The following KATNAL2 variants were observed in gnomAD, a reference collection of about 807,000 sequenced individuals.
The protein encoded by KATNAL2 is katanin catalytic subunit A1 like 2, also known as katanin p60 ATPase-containing subunit A-like 2.
A neutral mutation model predicts 76.3 loss-of-function variants in KATNAL2; 52 were observed. That is an observed-to-expected ratio of 0.68 (90% CI 0.55 to 0.86). The LOEUF (loss-of-function observed/expected upper bound fraction) is 0.86, where lower values mean the gene tolerates loss of function less well. Among genes scored for constraint, KATNAL2 ranks in the 40% least tolerant of loss-of-function variants. KATNAL2 has a pLI of 0.00. For synonymous variants in KATNAL2, 243 were observed against 244.2 expected, an observed-to-expected ratio of 1.00 and a Z score of 0.05; for missense variants, 660 against 668.9, an observed-to-expected ratio of 0.99 and a Z score of 0.15.
intron 15 of KATNAL2, among the ~76,000 whole-genome samples, chr18:47,095,921 C>G (rs2063213013): frequency 6.6e-6 from 1 of 152,164 alleles, no homozygotes; most frequent in South Asian, 2.1e-4. Flanking sequence ...TTCCTTGACC[C>G]TGTGCCTTGA....
intron 3 of KATNAL2, among the ~76,000 whole-genome samples, chr18:47,046,164 T>G (rs1346342612): frequency 6.6e-6 from 1 of 152,182 alleles, no homozygotes; most frequent in Non-Finnish European, 1.5e-5. Flanking sequence ...CATTTGTTTC[T>G]TCACGATTAT....
intron 1 of KATNAL2, among the ~76,000 whole-genome samples, chr18:46,926,058 G>A: frequency 6.6e-6 from 1 of 152,036 alleles, no homozygotes; most frequent in Non-Finnish European, 1.5e-5. Flanking sequence ...TTAATTTTTT[G>A]AAGGGTTTTT....
At chr18:46,947,246 A>C (rs1265387344) in intron 3 of KATNAL2, among the ~76,000 whole-genome samples, 1 of 152,002 alleles carries the variant, frequency 6.6e-6, no homozygotes, top group Non-Finnish European at 1.5e-5. Context: ...GGGTGAATGG[A>C]TTTGGGGAGT....
At chr18:47,056,016 T>C (rs531548642) in intron 6 of KATNAL2, among the ~76,000 whole-genome samples, 5 of 152,354 alleles carry the variant, frequency 3.3e-5, no homozygotes, top group African/African-American at 1.2e-4. Flanking sequence ...ATGAGACATG[T>C]CATGAGACTG....
At chr18:46,935,816 T>C (rs1183598160) in intron 1 of KATNAL2, among the ~76,000 whole-genome samples, 4 of 152,056 alleles carry the variant, frequency 2.6e-5, no homozygotes, top group African/African-American at 4.8e-5. Flanking sequence ...CTCAGGAGGC[T>C]GAGGCAGGAG....
chr18:46,918,083 G>C (rs943593606), intron 1 of KATNAL2, 157 bp downstream of exon 1: 4 of 152,006 alleles, frequency 2.6e-5, no homozygotes, highest in African/African-American at 7.3e-5. Flanking sequence ...GGGGTTGGGG[G>C]CGGGGAGAAG....
intron 1 of KATNAL2, among the ~76,000 whole-genome samples, chr18:46,936,437 C>T (rs2059093911): frequency 6.6e-6 from 1 of 151,886 alleles, no homozygotes; most frequent in South Asian, 2.1e-4. Flanking sequence ...TTAAGAAATA[C>T]TTTTCTACAT....
rs1195140135 is a variant in KATNAL2 at position 47,043,226 on chromosome 18, C to CAAAAAAAAAAAAAAAAA, written c.52-3228_52-3212dup. ...CCGGCGACAGAGCGAGACTCCGTTT[C>CAAAAAAAAAAAAAAAAA]AAAAAAAAAAAAAAAAAAAGAGATC... On this transcript the variant is annotated intron_variant, in intron 3 of 17. Transcript: ENST00000683218. Among the ~76,000 whole-genome samples the CAAAAAAAAAAAAAAAAA allele has an allele frequency of 6.3e-3, 261 of 41,610 alleles. 38 individuals carry two copies. Among genetic ancestry groups the CAAAAAAAAAAAAAAAAA allele is most frequent in the South Asian group, 0.017 (21 of 1,208 alleles). 27.3% of individuals were successfully genotyped at this position (41,610 alleles called of 152,430 possible). A position where few individuals can be genotyped will look rare whatever the true frequency, so the allele number is the denominator to read the frequency against.
At chr18:47,059,731 T>C in intron 8 of KATNAL2, 77 bp downstream of exon 8, 1 of 1,073,788 alleles carries the variant, frequency 9.3e-7, no homozygotes, top group Non-Finnish European at 1.4e-6. Flanking sequence ...AAAAACATTA[T>C]TTTTGTCAAA....
intron 4 of KATNAL2, among the ~76,000 whole-genome samples, chr18:47,049,948 G>A (rs1185526884): frequency 6.6e-6 from 1 of 152,134 alleles, no homozygotes; most frequent in Non-Finnish European, 1.5e-5. Context: ...GACATAGCTG[G>A]CCTTGAACTT....
At chr18:47,083,288 G>A (rs372550516) in intron 15 of KATNAL2, among the ~76,000 whole-genome samples, 10 of 152,092 alleles carry the variant, frequency 6.6e-5, no homozygotes, top group African/African-American at 2.4e-4. Flanking sequence ...TTGACTTCAG[G>A]GTCTTAGATG....
At chr18:47,040,391 C>G (rs1329315060) in intron 3 of KATNAL2, among the ~76,000 whole-genome samples, 1 of 152,080 alleles carries the variant, frequency 6.6e-6, no homozygotes, top group Non-Finnish European at 1.5e-5. Flanking sequence ...AGAAGATTAT[C>G]TCTGGTCTGG....
At chr18:47,062,096 T>C (rs2061651195) in intron 8 of KATNAL2, among the ~76,000 whole-genome samples, 1 of 152,142 alleles carries the variant, frequency 6.6e-6, no homozygotes, top group Non-Finnish European at 1.5e-5. Flanking sequence ...GAATTAGAAG[T>C]AGGCTGGGTA....
In KATNAL2 at chr18:47,035,332, G is replaced by A. The variant is rs1299180420; in HGVS notation, c.52-11125G>A. ...CTCTGTCTTTGGGGCTGCGGGACAGGAAGTCTGGGGTGGCCGGTCCTCGCT... is the reference window on the plus strand; with the variant it reads ...CTCTGTCTTTGGGGCTGCGGGACAGAAAGTCTGGGGTGGCCGGTCCTCGCT... On this transcript the variant is annotated intron_variant, in intron 3 of 17. Coordinates refer to ENST00000683218, the MANE Select transcript of KATNAL2 (RefSeq NM_001387690.1). 3.1e-6 allele frequency: 5 copies of A among 1,606,074 alleles called. No homozygotes were observed. In the African/African-American group the frequency reaches 5.4e-5, roughly 17 times the overall value.
At chr18:46,931,139 T>TAATAAAAAA (rs1555824545) in intron 1 of KATNAL2, among the ~76,000 whole-genome samples, 10 of 122,792 alleles carry the variant, frequency 8.1e-5, no homozygotes, top group East Asian at 5.2e-4. Context: ...ATAATAATAA[T>TAATAAAAAA]AAATAAATAA....
At chr18:47,034,133 G>C in intron 3 of KATNAL2, 5 of 1,614,200 alleles carry the variant, frequency 3.1e-6, no homozygotes, top group Non-Finnish European at 4.2e-6. Flanking sequence ...AGAGTGGGCT[G>C]CTCGAATTCC....
chr18:46,927,132 G>A (rs2058753081), intron 1 of KATNAL2, among the ~76,000 whole-genome samples: 2 of 152,168 alleles, frequency 1.3e-5, no homozygotes, highest in Non-Finnish European at 2.9e-5. Flanking sequence ...TCATTATGAT[G>A]TTAGCTGGTT....
At chr18:46,926,604 C>T (rs1484699522) in intron 1 of KATNAL2, among the ~76,000 whole-genome samples, 1 of 152,174 alleles carries the variant, frequency 6.6e-6, no homozygotes, top group East Asian at 1.9e-4. Flanking sequence ...ATTAGGTCCG[C>T]TTGGTGCAGA....
chr18:47,099,839 T>C (rs1386376086), intron 16 of KATNAL2, among the ~76,000 whole-genome samples: 1 of 152,240 alleles, frequency 6.6e-6, no homozygotes, highest in African/African-American at 2.4e-5. Flanking sequence ...CCCAGGGTGT[T>C]GCAGAAATGT....
Sources: gnomAD v4.1 joint callset for allele counts (sites outside exome capture counted in the v4.1 genomes callset) on GRCh38, gnomAD v4.1.1 for gene constraint, MANE v1.5 for transcripts, NCBI Gene and HGNC (gene_info 2026-07-23, HGNC 2026-07-21) for gene names.